CDH13: variants seen among roughly 807,000 people sequenced by gnomAD.
The protein encoded by CDH13 is cadherin 13, also known as cadherin-13.
In CDH13, 24 loss-of-function variants were observed where a neutral mutation model predicts 63.8. That is an observed-to-expected ratio of 0.38 (90% CI 0.27 to 0.53). CDH13 has a LOEUF of 0.53. Ranked by LOEUF, CDH13 falls within the 20% of genes least tolerant of loss-of-function variation. CDH13 has a pLI of 0.85. For synonymous variants in CDH13, 503 were observed against 355.3 expected (o/e 1.42, Z -4.67); for missense variants, 1,049 against 903.1 (o/e 1.16, Z -2.07).
chr16:83,149,450 G>C (rs1441269538), intron 4 of CDH13, among the ~76,000 whole-genome samples: 1 of 152,160 alleles, frequency 6.6e-6, no homozygotes, highest in East Asian at 1.9e-4. Context: ...GAGAAAACTA[G>C]AGATTCATAT....
intron 5 of CDH13, among the ~76,000 whole-genome samples, chr16:83,336,482 T>C (rs963473276): frequency 2.0e-5 from 3 of 152,146 alleles, no homozygotes; most frequent in Admixed American, 6.5e-5. Context: ...AAAATACTTA[T>C]TCAGGTGAGA....
At chr16:83,181,451 G>A (rs967946325) in intron 4 of CDH13, among the ~76,000 whole-genome samples, 4 of 152,174 alleles carry the variant, frequency 2.6e-5, no homozygotes, top group South Asian at 2.1e-4. Flanking sequence ...CAGAAGTCCC[G>A]TCAAGTTGGA....
chr16:83,333,741 TAGTA>T (rs1029878765), intron 5 of CDH13, among the ~76,000 whole-genome samples: 4 of 152,196 alleles, frequency 2.6e-5, no homozygotes, highest in African/African-American at 9.7e-5. Context: ...TGAAGTTTCT[TAGTA>T]AGAGAGCATG....
intron 2 of CDH13, among the ~76,000 whole-genome samples, chr16:83,025,009 C>T (rs549371548): frequency 6.6e-6 from 1 of 152,124 alleles, no homozygotes; most frequent in Non-Finnish European, 1.5e-5. Context: ...AGCAAGGTAC[C>T]TGACTAGAAG....
intron 5 of CDH13, among the ~76,000 whole-genome samples, chr16:83,290,222 T>C (rs958519016): frequency 3.9e-4 from 59 of 152,212 alleles, no homozygotes; most frequent in Non-Finnish European, 4.8e-4. Context: ...TTTTAATTGT[T>C]AGTATTTACA....
chr16:83,486,398 T>C (rs1459424939), intron 6 of CDH13, 79 bp from the exon 7 acceptor site: 3 of 1,237,464 alleles, frequency 2.4e-6, no homozygotes, highest in East Asian at 2.3e-5. Flanking sequence ...TGCACTGCTA[T>C]TGCCCAGGTG....
At chr16:82,933,345 G>C (rs184774321) in intron 2 of CDH13, among the ~76,000 whole-genome samples, 28 of 152,116 alleles carry the variant, frequency 1.8e-4, no homozygotes, top group Non-Finnish European at 4.1e-4. Context: ...ATCAGATTTT[G>C]GGAGAACTCA....
At chr16:83,194,787 G>T (rs555248846) in intron 4 of CDH13, among the ~76,000 whole-genome samples, 2 of 152,288 alleles carry the variant, frequency 1.3e-5, no homozygotes, top group East Asian at 3.9e-4. Flanking sequence ...CCTGAGACGG[G>T]TCTGTGGCAA....
intron 12 of CDH13, among the ~76,000 whole-genome samples, chr16:83,780,656 G>C (rs1198746945): frequency 6.6e-6 from 1 of 152,168 alleles, no homozygotes; most frequent in African/African-American, 2.4e-5. Context: ...TGCCATCCCA[G>C]AGTTCCCAGC....
chr16:82,946,412 A>G (rs919948547), intron 2 of CDH13, among the ~76,000 whole-genome samples: 11 of 152,308 alleles, frequency 7.2e-5, no homozygotes, highest in Non-Finnish European at 1.3e-4. Context: ...ATTTCATCAT[A>G]TAAAATTAAG....
chr16:83,062,779 G>C (rs1429879400), intron 3 of CDH13, among the ~76,000 whole-genome samples: 1 of 152,160 alleles, frequency 6.6e-6, no homozygotes, highest in Non-Finnish European at 1.5e-5. Flanking sequence ...GCAGGATTCA[G>C]CTGGTTGTCA....
intron 1 of CDH13, among the ~76,000 whole-genome samples, chr16:82,729,080 G>T (rs1461909851): frequency 2.0e-5 from 3 of 152,078 alleles, no homozygotes; most frequent in Non-Finnish European, 4.4e-5. Context: ...TTGTCTTTCA[G>T]TTTCCACCAC....
chr16:83,705,459 A>G (rs146370178), intron 10 of CDH13, among the ~76,000 whole-genome samples: 1,538 of 152,126 alleles, frequency 0.01, 76 homozygotes, highest in Admixed American at 0.077. Context: ...TGTCTCTACT[A>G]AAAATACAAA....
Position 83,302,563 on chromosome 16 carries a change from G to A in CDH13, c.637-42299G>A, listed in dbSNP as rs16960218. On this transcript the variant is annotated intron_variant, in intron 5 of 13. Transcript: ENST00000567109. ...CTCACTTCTTATCCCTTAATTCAGAGCTATTCAACAAAGTCAATTTTGGGA... is the reference window on the plus strand; with the variant it reads ...CTCACTTCTTATCCCTTAATTCAGAACTATTCAACAAAGTCAATTTTGGGA... Among the ~76,000 whole-genome samples, 1,856 of 152,252 alleles carry A rather than the reference G, an allele frequency of 0.012. 74 individuals carry two copies. In the East Asian group the frequency reaches 0.14, roughly 12 times the overall value.
chr16:83,419,259 A>G lies in CDH13; in HGVS notation c.782-67218A>G, dbSNP rs76297880. ...TTACTGAGATGACATTTACTTATTC[A>G]TTGATTCTGTCTTTGGAAGATGCCT... On this transcript the variant is annotated intron_variant, in intron 6 of 13. Transcript: ENST00000567109. Among the ~76,000 whole-genome samples, 833 of 152,232 alleles carry G rather than the reference A, an allele frequency of 5.5e-3. 14 individuals carry two copies. Among genetic ancestry groups the G allele is most frequent in the African/African-American group, 0.019 (807 of 41,526 alleles).
In CDH13 at chr16:83,528,310, C is replaced by G. The variant is rs1471982909; in HGVS notation, c.960+41655C>G. On this transcript the variant is annotated intron_variant, in intron 7 of 13. Coordinates refer to ENST00000567109, the MANE Select transcript of CDH13 (RefSeq NM_001257.5). ...GGTTGATCACATTTTAAATGGGAAACTGTATTTAGAGAGATTTTAAACTGC... is the reference window on the plus strand; with the variant it reads ...GGTTGATCACATTTTAAATGGGAAAGTGTATTTAGAGAGATTTTAAACTGC... Among the ~76,000 whole-genome samples, 3 of 152,250 alleles carry G rather than the reference C, an allele frequency of 2.0e-5. 1 individual carries two copies. In the South Asian group the frequency reaches 6.2e-4, roughly 32 times the overall value.
intron 10 of CDH13, among the ~76,000 whole-genome samples, chr16:83,690,974 G>A (rs1184389764): frequency 1.6e-4 from 24 of 151,916 alleles, no homozygotes; most frequent in South Asian, 4.2e-4. Context: ...CACCTGCCTC[G>A]GCCTCCCAAA....
intron 8 of CDH13, among the ~76,000 whole-genome samples, chr16:83,620,372 A>C (rs542760967): frequency 7.0e-6 from 1 of 142,058 alleles, no homozygotes; most frequent in Non-Finnish European, 1.5e-5. Flanking sequence ...ACCTGTCGAC[A>C]GAGCGAGACT....
At chr16:82,640,876 A>AT in intron 1 of CDH13, among the ~76,000 whole-genome samples, 1 of 152,346 alleles carries the variant, frequency 6.6e-6, no homozygotes, top group Middle Eastern at 3.4e-3. Context: ...CTGGACTACA[A>AT]TTTTTAAGGC....
Sources: allele counts gnomAD v4.1 joint callset (sites outside exome capture counted in the v4.1 genomes callset), GRCh38; gene constraint gnomAD v4.1.1; transcripts MANE v1.5; gene names NCBI Gene and HGNC (gene_info 2026-07-23, HGNC 2026-07-21).